Variants in ZCWPW2 observed in about 807,000 individuals in gnomAD.
ZCWPW2 encodes the protein zinc finger CW-type and PWWP domain containing 2.
In ZCWPW2, 45 loss-of-function variants were observed where a neutral mutation model predicts 46.6. The ratio of observed to expected loss-of-function variants is 0.96; its 90% CI spans 0.76 to 1.24. The LOEUF (loss-of-function observed/expected upper bound fraction) is 1.24, where lower values mean the gene tolerates loss of function less well. ZCWPW2 is among the 50% of genes most tolerant of loss of function. The pLI is 0.00. For synonymous variants in ZCWPW2, 152 were observed against 137.1 expected, an observed-to-expected ratio of 1.11 and a Z score of -0.76; for missense variants, 429 against 403.9, an observed-to-expected ratio of 1.06 and a Z score of -0.53.
chr3:28,517,178 G>T (rs180836319), intron 8 of ZCWPW2, among the ~76,000 whole-genome samples: 1 of 152,032 alleles, frequency 6.6e-6, no homozygotes, highest in Admixed American at 6.5e-5. Context: ...TGACATAGCC[G>T]TGCAAATTTA....
intron 4 of ZCWPW2, among the ~76,000 whole-genome samples, chr3:28,437,726 C>T (rs887321531): frequency 2.6e-5 from 4 of 152,134 alleles, no homozygotes; most frequent in Non-Finnish European, 4.4e-5. Flanking sequence ...AGATTTATAA[C>T]TGATGTTAGT....
intron 2 of ZCWPW2, among the ~76,000 whole-genome samples, chr3:28,392,750 A>G (rs1336349599): frequency 6.6e-6 from 1 of 152,158 alleles, no homozygotes; most frequent in African/African-American, 2.4e-5. Flanking sequence ...ATGAAAAAAA[A>G]ATATTTTGAG....
intron 1 of ZCWPW2, among the ~76,000 whole-genome samples, chr3:28,373,502 C>G (rs536918700): frequency 6.6e-6 from 1 of 151,804 alleles, no homozygotes; most frequent in African/African-American, 2.4e-5. Flanking sequence ...GAGTCTCGCT[C>G]TGTTGCCCAG....
At chr3:28,407,915 C>T (rs753739284) in intron 2 of ZCWPW2, among the ~76,000 whole-genome samples, 1 of 152,154 alleles carries the variant, frequency 6.6e-6, no homozygotes, top group Non-Finnish European at 1.5e-5. Flanking sequence ...TTCACTTCCT[C>T]ATTGTCATTT....
intron 6 of ZCWPW2, among the ~76,000 whole-genome samples, chr3:28,500,040 G>C (rs1700098767): frequency 1.3e-5 from 2 of 151,720 alleles, no homozygotes; most frequent in Admixed American, 1.3e-4. Context: ...TTCTTCTATT[G>C]TTATTGGTAA....
intron 4 of ZCWPW2, among the ~76,000 whole-genome samples, chr3:28,475,599 C>T (rs570921996): frequency 1.3e-5 from 2 of 152,140 alleles, no homozygotes; most frequent in African/African-American, 4.8e-5. Context: ...ATGATGTGGC[C>T]CTTGTTAATT....
chr3:28,377,205 A>G (rs1705527810), intron 1 of ZCWPW2, among the ~76,000 whole-genome samples: 1 of 152,052 alleles, frequency 6.6e-6, no homozygotes, highest in Non-Finnish European at 1.5e-5. Flanking sequence ...GTCATGCATT[A>G]AAGATGCATG....
At chr3:28,353,443 G>T (rs1348242888) in intron 1 of ZCWPW2, among the ~76,000 whole-genome samples, 1 of 152,126 alleles carries the variant, frequency 6.6e-6, no homozygotes, top group African/African-American at 2.4e-5. Context: ...AAGGAAAAGA[G>T]GCATGATATC....
At chr3:28,358,283 G>C (rs535604532) in intron 1 of ZCWPW2, among the ~76,000 whole-genome samples, 3 of 151,788 alleles carry the variant, frequency 2.0e-5, no homozygotes, top group Non-Finnish European at 4.4e-5. Flanking sequence ...TTTTTAAAAG[G>C]ACCTTCTTAA....
Position 28,467,388 on chromosome 3 carries a change from C to T in ZCWPW2, c.493-11426C>T, listed in dbSNP as rs186110949. On this transcript the variant is annotated intron_variant, in intron 4 of 9. Coordinates refer to ENST00000383768, the MANE Select transcript of ZCWPW2 (RefSeq NM_001040432.4). ...AGTCAGTAAGAAAAAGACCATTATA[C>T]GTACTAACACAGGACTTGAATCATC... Among the ~76,000 whole-genome samples the T allele has an allele frequency of 2.0e-3, 305 of 152,006 alleles. 1 individual carries two copies. Among genetic ancestry groups the T allele is most frequent in the Middle Eastern group, 3.4e-3 (1 of 294 alleles).
chr3:28,516,455 G>T (rs901474135), intron 8 of ZCWPW2, among the ~76,000 whole-genome samples: 10 of 152,100 alleles, frequency 6.6e-5, no homozygotes, highest in Non-Finnish European at 1.3e-4. Context: ...TCGTTGGTTA[G>T]AACACAGTAG....
At chr3:28,420,075 T>TAA (rs572015703) in intron 3 of ZCWPW2, among the ~76,000 whole-genome samples, 97 of 148,688 alleles carry the variant, frequency 6.5e-4, no homozygotes, top group Non-Finnish European at 1.1e-3. Flanking sequence ...AAAGTATAAT[T>TAA]AAAAAAAAAA....
At chr3:28,392,158 A>AGAGGC (rs113149944) in intron 2 of ZCWPW2, among the ~76,000 whole-genome samples, 1,697 of 152,296 alleles carry the variant, frequency 0.011, 44 homozygotes, top group African/African-American at 0.039. Flanking sequence ...AGAATCCAAA[A>AGAGGC]GAGGCCAGGG....
intron 4 of ZCWPW2, among the ~76,000 whole-genome samples, chr3:28,454,820 C>T (rs1698363143): frequency 6.6e-6 from 1 of 152,204 alleles, no homozygotes; most frequent in South Asian, 2.1e-4. Flanking sequence ...TGATCTCATT[C>T]CTTCTTATGG....
In ZCWPW2 at chr3:28,525,585, G is replaced by A. The variant is rs1382368061; in HGVS notation, c.*897G>A. On this transcript the variant is annotated 3_prime_UTR_variant, in exon 10 of 10. Coordinates refer to ENST00000383768, the MANE Select transcript of ZCWPW2 (RefSeq NM_001040432.4). ...AAGCTTGAGGAGAGAAGAAGTGCAC[G>A]AGAGCATCACCACAGCGGTGAATTT... Among the ~76,000 whole-genome samples the A allele has an allele frequency of 3.3e-5, 5 of 152,118 alleles. No individual in the cohort carries two copies. Among genetic ancestry groups the A allele is most frequent in the African/African-American group, 9.7e-5 (4 of 41,436 alleles).
intron 1 of ZCWPW2, among the ~76,000 whole-genome samples, chr3:28,383,809 T>A (rs1251120491): frequency 6.6e-6 from 1 of 152,158 alleles, no homozygotes; most frequent in Non-Finnish European, 1.5e-5. Context: ...AAAAGTCAGT[T>A]CACACTTTTT....
In ZCWPW2 at chr3:28,514,078, A is replaced by C. The variant is rs1217269702; in HGVS notation, c.672A>C (p.Lys224Asn). ...TTGTGTTATAGAAGCAGACTTCTAAAAATAATATTGAAAAGAAGAAGCCCA... is the reference window on the plus strand; with the variant it reads ...TTGTGTTATAGAAGCAGACTTCTAACAATAATATTGAAAAGAAGAAGCCCA... ...ALVKKRKQTS[K>N]NNIEKKKPKF... Residue 224 changes from lysine to asparagine, a missense_variant, in exon 7 of 10, where the codon AAA becomes AAC. Transcript: ENST00000383768. The C allele has an allele frequency of 6.6e-7, 1 of 1,512,034 alleles. No homozygotes were observed. The highest frequency in any genetic ancestry group is 1.4e-5 in the African/African-American group (1 of 72,316). The allele number at this position is 1,512,034 out of a possible 1,614,324, so 93.7% of individuals were successfully genotyped here. A position where few individuals can be genotyped will look rare whatever the true frequency, so the allele number is the denominator to read the frequency against.
At chr3:28,455,292 AGT>A in intron 4 of ZCWPW2, among the ~76,000 whole-genome samples, 1 of 152,260 alleles carries the variant, frequency 6.6e-6, no homozygotes, top group Non-Finnish European at 1.5e-5. Flanking sequence ...ACTTTTGAAA[AGT>A]GTCTGTTCAT....
intron 4 of ZCWPW2, among the ~76,000 whole-genome samples, chr3:28,477,144 A>G (rs997140729): frequency 4.6e-5 from 7 of 152,208 alleles, no homozygotes; most frequent in Non-Finnish European, 8.8e-5. Context: ...ATTTAATATT[A>G]TAACATTTGA....
Sources: allele counts gnomAD v4.1 joint callset (sites outside exome capture counted in the v4.1 genomes callset), GRCh38; gene constraint gnomAD v4.1.1; transcripts MANE v1.5; gene names NCBI Gene and HGNC (gene_info 2026-07-23, HGNC 2026-07-21).